DNAH14: variants seen among roughly 807,000 people sequenced by gnomAD.
The protein encoded by DNAH14 is dynein axonemal heavy chain 14, also known as axonemal beta dynein heavy chain 14.
DNAH14 carries 478 observed loss-of-function variants against 520.9 expected under a neutral mutation model. The observed-to-expected ratio is 0.92, with a 90% confidence interval of 0.85 to 0.99. DNAH14 has a LOEUF of 0.99. Among genes scored for constraint, DNAH14 ranks in the 50% least tolerant of loss-of-function variants. DNAH14 has a pLI of 0.00. For missense variants in DNAH14, 4,831 were observed against 5,234.5 expected, an observed-to-expected ratio of 0.92 and a Z score of 2.38; for synonymous variants, 1,581 against 1,757.2, an observed-to-expected ratio of 0.90 and a Z score of 2.51.
intron 28 of DNAH14, 72 bp from the exon 29 acceptor site, chr1:225,144,325 C>G (rs1374661996): frequency 2.6e-6 from 3 of 1,154,654 alleles, no homozygotes; most frequent in Admixed American, 2.5e-5. Flanking sequence ...AATCTTGATT[C>G]TTTTTCTGCA....
chr1:225,020,287 A>T (rs1269829975), intron 10 of DNAH14, among the ~76,000 whole-genome samples: 1 of 151,994 alleles, frequency 6.6e-6, no homozygotes, highest in Non-Finnish European at 1.5e-5. Flanking sequence ...ACCTGAGGTC[A>T]GGAGTTTGAG....
At chr1:224,976,032 G>A (rs878900228) in intron 8 of DNAH14, among the ~76,000 whole-genome samples, 7,358 of 150,160 alleles carry the variant, frequency 0.049, 265 homozygotes, top group Non-Finnish European at 0.073. Context: ...GTAGTTGAGC[G>A]GTTTTGAGTG....
chr1:225,203,818 T>A (rs911331095), intron 38 of DNAH14, among the ~76,000 whole-genome samples: 2 of 151,212 alleles, frequency 1.3e-5, no homozygotes, highest in African/African-American at 4.9e-5. Flanking sequence ...TGAGAACTGA[T>A]ATGAAGGAAA....
At chr1:225,010,023 C>T (rs561807268) in intron 10 of DNAH14, among the ~76,000 whole-genome samples, 44 of 152,176 alleles carry the variant, frequency 2.9e-4, no homozygotes, top group African/African-American at 1.0e-3. Context: ...TCTAAATATA[C>T]GATCATGTCA....
chr1:225,351,618 T>C (rs548735892), intron 71 of DNAH14, 29 bp from the exon 72 acceptor site: 1 of 1,497,712 alleles, frequency 6.7e-7, no homozygotes, highest in East Asian at 2.5e-5. Flanking sequence ...TTATCTCTTC[T>C]AATGTGATCA....
intron 11 of DNAH14, among the ~76,000 whole-genome samples, chr1:225,035,126 C>T (rs1239579282): frequency 6.6e-6 from 1 of 151,976 alleles, no homozygotes; most frequent in Non-Finnish European, 1.5e-5. Flanking sequence ...TTGTCTTCTG[C>T]TAGCTTAGTG....
At chr1:225,175,099 G>A (rs2083166261) in intron 36 of DNAH14, among the ~76,000 whole-genome samples, 1 of 152,032 alleles carries the variant, frequency 6.6e-6, no homozygotes, top group South Asian at 2.1e-4. Context: ...CAGAATTTTT[G>A]CATCTATGTT....
rs76992425 is a variant in DNAH14, at chr1:225,306,841, G to A, written c.9006-620G>A. ...TGCTTATATCCAGCAAGCATATCTC[G>A]GTGGCAAAAGACAGGTTACAGTCCA... On this transcript the variant is annotated intron_variant, in intron 58 of 85. Coordinates refer to ENST00000682510, the MANE Select transcript of DNAH14 (RefSeq NM_001367479.1). 1.7e-3 allele frequency among the ~76,000 whole-genome samples: 257 copies of A among 151,956 alleles called. 10 individuals carry two copies. In the East Asian group the frequency reaches 0.02, roughly 12 times the overall value.
chr1:225,020,512 A>AAAC (rs1388945758), intron 10 of DNAH14, among the ~76,000 whole-genome samples: 4 of 149,228 alleles, frequency 2.7e-5, no homozygotes, highest in Admixed American at 6.7e-5. Flanking sequence ...AAAAAAAAAA[A>AAAC]AAAACAACTC....
intron 34 of DNAH14, among the ~76,000 whole-genome samples, chr1:225,154,223 T>C (rs1019135011): frequency 2.0e-5 from 3 of 152,032 alleles, no homozygotes; most frequent in African/African-American, 7.2e-5. Context: ...TGAAATAATA[T>C]ACCACATTAA....
Position 225,264,715 on chromosome 1 carries a change from G to A in DNAH14, c.7222+454G>A, listed in dbSNP as rs184172632. Among the ~76,000 whole-genome samples, 14 of 152,230 alleles carry A rather than the reference G, an allele frequency of 9.2e-5. No individual in the cohort carries two copies. The East Asian group carries it at 1.7e-3, about 19-fold the overall frequency. ...CTCTAGTTTTGGGAACAGCAACTCC[G>A]TTTCTCAAGAGGAAAAGATGGAATG... On this transcript the variant is annotated intron_variant, in intron 47 of 85. Coordinates refer to ENST00000682510, the MANE Select transcript of DNAH14 (RefSeq NM_001367479.1).
intron 38 of DNAH14, among the ~76,000 whole-genome samples, chr1:225,203,432 C>T (rs1254534017): frequency 2.6e-5 from 4 of 152,092 alleles, no homozygotes; most frequent in African/African-American, 7.2e-5. Flanking sequence ...GCACCTTTGT[C>T]TCTCTCTTTT....
intron 11 of DNAH14, among the ~76,000 whole-genome samples, chr1:225,036,031 C>T (rs2066931433): frequency 6.6e-6 from 1 of 152,054 alleles, no homozygotes; most frequent in East Asian, 1.9e-4. Flanking sequence ...AGGCGGCTCG[C>T]CAGTCAAGAC....
At chr1:225,057,892 G>T (rs924717367) in intron 17 of DNAH14, among the ~76,000 whole-genome samples, 4 of 152,186 alleles carry the variant, frequency 2.6e-5, no homozygotes, top group Non-Finnish European at 5.9e-5. Context: ...CTTGATCATG[G>T]TGGATAAGCT....
chr1:225,290,005 T>A lies in DNAH14; in HGVS notation c.8392T>A (p.Phe2798Ile). 6.5e-7 allele frequency: 1 copy of A among 1,539,962 alleles called. No homozygotes were observed. Among genetic ancestry groups the A allele is most frequent in the Non-Finnish European group, 8.8e-7 (1 of 1,140,644 alleles). The change falls in exon 55 of 86, where the codon TTT (phenylalanine) becomes ATT (isoleucine). Residue 2798 changes from phenylalanine (F) to isoleucine (I), a missense_variant. Physicochemically the swap from Phe to Ile is conservative, Grantham distance 21. Coordinates refer to ENST00000682510, the MANE Select transcript of DNAH14 (RefSeq NM_001367479.1). ...TGCCTACATCGAATTCAAAGAAGTC[T>A]TTAAAAAGGTGTTTATTCACGCAGG... is the stretch of plus-strand genomic sequence containing the variant. ...KCAYIEFKEV[F>I]KKVFIHAGLK...
At position 225,007,599 on chromosome 1, in the gene DNAH14, A is replaced by G. The variant is rs2064282309; in HGVS notation, c.1107+55A>G. Reference sequence around the variant, plus strand: ...AAGTTGCAATTTACTAGCTGAAGCAATTGATCCAAATTGCATCCCTGGAAA... The same window carrying G: ...AAGTTGCAATTTACTAGCTGAAGCAGTTGATCCAAATTGCATCCCTGGAAA... On this transcript the variant is annotated intron_variant, in intron 10 of 85. Coordinates refer to ENST00000682510, the MANE Select transcript of DNAH14 (RefSeq NM_001367479.1). The G allele has an allele frequency of 2.2e-6, 3 of 1,350,808 alleles. No homozygotes were observed. In the South Asian group the frequency reaches 4.4e-5, roughly 20 times the overall value. The allele number at this position is 1,350,808 out of a possible 1,614,324, so 83.7% of individuals were successfully genotyped here.
chr1:225,214,444 C>A (rs1019608250), intron 41 of DNAH14, among the ~76,000 whole-genome samples: 1 of 152,132 alleles, frequency 6.6e-6, no homozygotes, highest in African/African-American at 2.4e-5. Context: ...GGGAGGATTC[C>A]CTCTTTTTCT....
intron 28 of DNAH14, among the ~76,000 whole-genome samples, chr1:225,141,913 C>A (rs1241506719): frequency 6.6e-6 from 1 of 152,116 alleles, no homozygotes; most frequent in Non-Finnish European, 1.5e-5. Context: ...GTACGGTTAG[C>A]ATAAATTCTG....
At chr1:225,280,112 A>G (rs2093593408) in intron 54 of DNAH14, among the ~76,000 whole-genome samples, 1 of 152,028 alleles carries the variant, frequency 6.6e-6, no homozygotes, top group Non-Finnish European at 1.5e-5. Flanking sequence ...AAACTTAAAA[A>G]TAGATCTATA....
Sources: allele counts gnomAD v4.1 joint callset (sites outside exome capture counted in the v4.1 genomes callset), GRCh38; gene constraint gnomAD v4.1.1; transcripts MANE v1.5; gene names NCBI Gene and HGNC (gene_info 2026-07-23, HGNC 2026-07-21).